ZNF813: variants seen among roughly 807,000 people sequenced by gnomAD.
ZNF813 encodes the protein zinc finger protein 813.
Under a neutral mutation model 7.2 loss-of-function variants are expected in ZNF813, and 3 were observed. That is an observed-to-expected ratio of 0.42 (90% CI 0.19 to 1.08). ZNF813 has a LOEUF of 1.08. Among genes scored for constraint, ZNF813 ranks in the 50% least tolerant of loss-of-function variants. The probability of loss-of-function intolerance (pLI) is 0.30; values close to 1 mark genes in which losing one functional copy is unlikely to be tolerated. For synonymous variants in ZNF813, 227 were observed against 256.3 expected, an observed-to-expected ratio of 0.89 and a Z score of 1.09; for missense variants, 714 against 753.3, an observed-to-expected ratio of 0.95 and a Z score of 0.61.
chr19:53,479,209 A>G, intron 1 of ZNF813: 8 of 754,376 alleles, frequency 1.1e-5, no homozygotes, highest in Non-Finnish European at 1.7e-5. Flanking sequence ...TGCTGGGATT[A>G]CAGGTGTGAG....
At chr19:53,473,963 G>C (rs1600108661) in intron 1 of ZNF813, among the ~76,000 whole-genome samples, 1 of 152,126 alleles carries the variant, frequency 6.6e-6, no homozygotes. Flanking sequence ...TTAACGTCTG[G>C]TTCATGTATT....
chr19:53,468,152 G>A (rs1266408527), intron 1 of ZNF813, among the ~76,000 whole-genome samples: 3 of 151,756 alleles, frequency 2.0e-5, no homozygotes, highest in African/African-American at 4.8e-5. Flanking sequence ...CCAGTCCCGG[G>A]AAGGCCGCGT....
chr19:53,489,522 A>T (rs1490785975), intron 3 of ZNF813, among the ~76,000 whole-genome samples: 1 of 150,598 alleles, frequency 6.6e-6, no homozygotes, highest in Non-Finnish European at 1.5e-5. Flanking sequence ...GAATGGCTTG[A>T]ACCCAAAAGG....
At chr19:53,485,584 A>G (rs929242931) in intron 2 of ZNF813, among the ~76,000 whole-genome samples, 2 of 127,044 alleles carry the variant, frequency 1.6e-5, no homozygotes, top group African/African-American at 2.9e-5. Flanking sequence ...GTATGTCATG[A>G]CATATGTATG....
chr19:53,490,175 A>G (rs1393331832), intron 3 of ZNF813, among the ~76,000 whole-genome samples, 200 bp from the exon 4 acceptor site: 1 of 152,198 alleles, frequency 6.6e-6, no homozygotes, highest in African/African-American at 2.4e-5. Flanking sequence ...TGATATTGGA[A>G]ATAGGGTTCC....
chr19:53,475,767 G>A (rs1157836804), intron 1 of ZNF813, among the ~76,000 whole-genome samples: 5 of 152,332 alleles, frequency 3.3e-5, no homozygotes, highest in East Asian at 1.9e-4. Context: ...GCCACTGGGC[G>A]ATGCCACGAT....
At chr19:53,469,843 G>A (rs142469336) in intron 1 of ZNF813, among the ~76,000 whole-genome samples, 4,450 of 144,436 alleles carry the variant, frequency 0.031, 103 homozygotes, top group Non-Finnish European at 0.039. Context: ...GGGGAGAGCA[G>A]AGGAGGCGCA....
At chr19:53,485,421 T>C (rs1398347808) in intron 2 of ZNF813, among the ~76,000 whole-genome samples, 1 of 152,142 alleles carries the variant, frequency 6.6e-6, no homozygotes, top group Non-Finnish European at 1.5e-5. Context: ...TCCATACATA[T>C]ACACACACAC....
At chr19:53,486,321 CCTGTAA>C (rs561895801) in intron 2 of ZNF813, among the ~76,000 whole-genome samples, 2,071 of 152,068 alleles carry the variant, frequency 0.014, 44 homozygotes, top group African/African-American at 0.048. Flanking sequence ...GTGGTGCGTG[CCTGTAA>C]TATCAGCTAC....
At chr19:53,468,219 G>GCCCCCCCCCC (rs34920971) in intron 1 of ZNF813, among the ~76,000 whole-genome samples, 17 of 52,916 alleles carry the variant, frequency 3.2e-4, no homozygotes, top group African/African-American at 6.0e-4. Flanking sequence ...GCGCCCTCGC[G>GCCCCCCCCCC]CCCCCCCCCC....
chr19:53,481,910 A>G (rs765929091), intron 1 of ZNF813, among the ~76,000 whole-genome samples: 2 of 152,190 alleles, frequency 1.3e-5, no homozygotes, highest in Non-Finnish European at 2.9e-5. Context: ...CCTTCCCATT[A>G]GCATTTCCAG....
At chr19:53,472,607 C>T (rs1220257458) in intron 1 of ZNF813, among the ~76,000 whole-genome samples, 20 of 136,470 alleles carry the variant, frequency 1.5e-4, no homozygotes, top group South Asian at 4.7e-4. Flanking sequence ...AAGTACAAGT[C>T]TTTCTTTTTT....
At position 53,495,224 on chromosome 19, in the gene ZNF813, T is replaced by TTTG. The variant is rs113919850; in HGVS notation, c.*3150_*3152dup. The TTTG allele has an allele frequency of 0.31, 36,768 of 119,282 alleles. 4,585 individuals carry two copies. Among genetic ancestry groups the TTTG allele is most frequent in the Middle Eastern group, 0.33 (82 of 248 alleles). The allele number at this position is 119,282 out of a possible 1,614,324, so 7.4% of individuals were successfully genotyped here. ...ATCCACATCAGTTTTTTTGTTTGTT[T>TTTG]TTGTTGTTGTTGTTTTTTTGAGATG... is the stretch of plus-strand genomic sequence containing the variant. On this transcript the variant is annotated 3_prime_UTR_variant, in exon 4 of 4. Coordinates refer to ENST00000396403, the MANE Select transcript of ZNF813 (RefSeq NM_001004301.4).
rs2086485720 is a variant in ZNF813, at chr19:53,495,957, TG to T, written c.*3873del. ...AAGCAAAATCATTCCATTCCCCCAG[TG>T]GATTCAGATCAAAACTGGTAATAAA... On this transcript the variant is annotated 3_prime_UTR_variant, in exon 4 of 4. Coordinates refer to ENST00000396403, the MANE Select transcript of ZNF813 (RefSeq NM_001004301.4). 3 of 361,934 alleles carry T rather than the reference TG, an allele frequency of 8.3e-6. 1 individual carries two copies. The highest frequency in any genetic ancestry group is 6.4e-5 in the Admixed American group (2 of 31,404). The allele number at this position is 361,934 out of a possible 1,614,324, so 22.4% of individuals were successfully genotyped here. A position where few individuals can be genotyped will look rare whatever the true frequency, so the allele number is the denominator to read the frequency against.
At chr19:53,468,505 A>G (rs1600106253) in intron 1 of ZNF813, among the ~76,000 whole-genome samples, 1 of 152,192 alleles carries the variant, frequency 6.6e-6, no homozygotes, top group African/African-American at 2.4e-5. Flanking sequence ...GAGTTCCCTC[A>G]GTATTTATTG....
chr19:53,484,920 T>C (rs1401861558), intron 2 of ZNF813, among the ~76,000 whole-genome samples: 3 of 152,232 alleles, frequency 2.0e-5, no homozygotes, highest in African/African-American at 7.2e-5. Context: ...ATGATGTATA[T>C]ATTTGTTTTG....
At chr19:53,478,310 C>T (rs1054375371) in intron 1 of ZNF813, among the ~76,000 whole-genome samples, 32 of 152,198 alleles carry the variant, frequency 2.1e-4, no homozygotes, top group African/African-American at 6.7e-4. Flanking sequence ...GCTGGGACCA[C>T]AGGCGTGAGC....
At chr19:53,476,808 G>C (rs1026890373) in intron 1 of ZNF813, among the ~76,000 whole-genome samples, 4 of 151,898 alleles carry the variant, frequency 2.6e-5, no homozygotes, top group Admixed American at 1.3e-4. Flanking sequence ...GGACTACAGG[G>C]GCCCGCCACC....
chr19:53,470,160 T>TCCTTACTTCCTTCCTTCCTTCCTTCC (rs146034098), intron 1 of ZNF813, among the ~76,000 whole-genome samples: 1 of 129,020 alleles, frequency 7.8e-6, no homozygotes, highest in Admixed American at 7.8e-5. Context: ...TTTCTTTCTT[T>TCCTTACTTCCTTCCTTCCTTCCTTCC]TTCTTTTCTT....
Sources: gnomAD v4.1 joint callset for allele counts (sites outside exome capture counted in the v4.1 genomes callset) on GRCh38, gnomAD v4.1.1 for gene constraint, MANE v1.5 for transcripts, NCBI Gene and HGNC (gene_info 2026-07-23, HGNC 2026-07-21) for gene names.